The following SLAMF9 variants were observed in gnomAD, a reference collection of about 807,000 sequenced individuals.
SLAMF9 encodes SLAM family member 9, also known as CD2 family member 10.
In SLAMF9, 25 loss-of-function variants were observed where a neutral mutation model predicts 30.4. The ratio of observed to expected loss-of-function variants is 0.82; its 90% CI spans 0.60 to 1.15. The LOEUF (loss-of-function observed/expected upper bound fraction) is 1.15, where lower values mean the gene tolerates loss of function less well. Ranked by LOEUF, SLAMF9 falls within the 50% of genes most tolerant of loss-of-function variation. SLAMF9 has a pLI of 0.00. For synonymous variants in SLAMF9, 129 were observed against 127.2 expected (o/e 1.01, Z -0.09); for missense variants, 344 against 346.1 (o/e 0.99, Z 0.05).
upstream of SLAMF9, among the ~76,000 whole-genome samples, chr1:159,957,865 G>C (rs1242299600): frequency 5.0e-5 from 2 of 40,194 alleles, no homozygotes; most frequent in Non-Finnish European, 1.4e-4. Context: ...AGAGCTTAAA[G>C]GGTGAGAATA....
At chr1:159,973,081 C>T in the SLAMF9 span, 1 of 1,486,618 alleles carries the variant, frequency 6.7e-7, no homozygotes, top group Non-Finnish European at 9.0e-7. Flanking sequence ...AGCCCAGAGT[C>T]TCCCTCCTTG....
chr1:159,961,629 C>A, the SLAMF9 span, among the ~76,000 whole-genome samples: 1 of 152,000 alleles, frequency 6.6e-6, no homozygotes, highest in African/African-American at 2.4e-5. Flanking sequence ...TGAAGTGCAC[C>A]CAAAGGAGTC....
At position 159,952,269 on chromosome 1, in the gene SLAMF9, G is replaced by C. The variant is rs1651772086; in HGVS notation, c.657C>G (p.Phe219Leu). ...VSSCPIPDGP[F>L]YADPNYASEK... ...TCTCAGGGGTTCTGGTACCTGCATAGAAGGGCCCATCAGGGATGGGGCAAG... is the reference window on the plus strand; with the variant it reads ...TCTCAGGGGTTCTGGTACCTGCATACAAGGGCCCATCAGGGATGGGGCAAG... Residue 219 changes from phenylalanine (F) to leucine (L), a missense_variant, in exon 3 of 4, where the codon TTC becomes TTG. Phe to Leu is a conservative substitution (Grantham distance 22). Transcript: ENST00000368093. The C allele has an allele frequency of 1.2e-6, 2 of 1,613,594 alleles. No homozygotes were observed. The highest frequency in any genetic ancestry group is 2.7e-5 in the African/African-American group (2 of 74,774).
chr1:159,970,673 C>A, the SLAMF9 span, among the ~76,000 whole-genome samples: 3 of 152,264 alleles, frequency 2.0e-5, no homozygotes, highest in Non-Finnish European at 4.4e-5. Flanking sequence ...TTTTATCTTG[C>A]GACAGTGTGT....
At chr1:159,956,828 G>A (rs1651930861), upstream of SLAMF9, among the ~76,000 whole-genome samples, 1 of 152,060 alleles carries the variant, frequency 6.6e-6, no homozygotes, top group South Asian at 2.1e-4. Context: ...TGTATAAAAA[G>A]GTTAAACTAG....
At chr1:159,970,053 C>T in the SLAMF9 span, among the ~76,000 whole-genome samples, 2 of 152,092 alleles carry the variant, frequency 1.3e-5, no homozygotes, top group Non-Finnish European at 2.9e-5. Context: ...GAGCAAGACA[C>T]TTCTCAATAA....
At chr1:159,959,557 C>A in the SLAMF9 span, among the ~76,000 whole-genome samples, 1 of 152,084 alleles carries the variant, frequency 6.6e-6, no homozygotes, top group Non-Finnish European at 1.5e-5. Flanking sequence ...CTCATGGGAG[C>A]CCATTACCGG....
At chr1:159,962,317 G>A in the SLAMF9 span, among the ~76,000 whole-genome samples, 1 of 151,760 alleles carries the variant, frequency 6.6e-6, no homozygotes. Flanking sequence ...GGGGTATATA[G>A]ACCTACTGAG....
the SLAMF9 span, chr1:159,972,925 C>T: frequency 9.8e-7 from 1 of 1,021,252 alleles, no homozygotes; most frequent in Non-Finnish European, 1.3e-6. Flanking sequence ...CCCACAACTC[C>T]TCTCCTCCCA....
At chr1:159,983,616 G>C in the SLAMF9 span, 1 of 152,194 alleles carries the variant, frequency 6.6e-6, no homozygotes, top group African/African-American at 2.4e-5. Context: ...TGTTAGGAAG[G>C]AAACAACTTG....
chr1:159,975,663 G>A, the SLAMF9 span, among the ~76,000 whole-genome samples: 1 of 152,284 alleles, frequency 6.6e-6, no homozygotes, highest in African/African-American at 2.4e-5. Flanking sequence ...GTGAGAAAAA[G>A]ACTGAGCCTA....
At chr1:159,957,113 C>G (rs1651937620), upstream of SLAMF9, among the ~76,000 whole-genome samples, 1 of 92,814 alleles carries the variant, frequency 1.1e-5, no homozygotes, top group Admixed American at 1.8e-4. Flanking sequence ...CAGAGCGAGA[C>G]TCTGTCTCAA....
chr1:159,955,010 G>A (rs1252684097), upstream of SLAMF9, among the ~76,000 whole-genome samples: 1 of 151,608 alleles, frequency 6.6e-6, no homozygotes, highest in East Asian at 1.9e-4. Flanking sequence ...CCCAGGAGGT[G>A]GAGGTTGCAG....
rs1429926902 is a variant in SLAMF9 at position 159,953,945 on chromosome 1, C to A, written c.46+147G>T. The A allele has an allele frequency of 4.1e-6, 4 of 972,310 alleles. No individual in the cohort carries two copies. The African/African-American group carries it at 6.5e-5, about 16-fold the overall frequency. The allele number at this position is 972,310 out of a possible 1,614,324, so 60.2% of individuals were successfully genotyped here. On this transcript the variant is annotated intron_variant, in intron 1 of 3. Coordinates refer to ENST00000368093, the MANE Select transcript of SLAMF9 (RefSeq NM_033438.4). ...TCCCCAGGTGTCTCTCGGTCCTGCC[C>A]TGAAGCCACACACCCTACTCCTTGT...
chr1:159,967,704 A>G, the SLAMF9 span, among the ~76,000 whole-genome samples: 1 of 152,192 alleles, frequency 6.6e-6, no homozygotes. Flanking sequence ...TATGGACATT[A>G]TAACAGTATT....
chr1:159,962,198 G>C, the SLAMF9 span, among the ~76,000 whole-genome samples: 1 of 151,938 alleles, frequency 6.6e-6, no homozygotes, highest in South Asian at 2.1e-4. Flanking sequence ...GGGGAACAGA[G>C]GATGGGAGGC....
the SLAMF9 span, among the ~76,000 whole-genome samples, chr1:159,964,382 T>C: frequency 6.6e-6 from 1 of 152,298 alleles, no homozygotes; most frequent in Non-Finnish European, 1.5e-5. Flanking sequence ...CGGGAGCTTT[T>C]AATCTGTTCT....
chr1:159,955,528 G>A (rs932404786), upstream of SLAMF9, among the ~76,000 whole-genome samples: 1 of 152,210 alleles, frequency 6.6e-6, no homozygotes, highest in Non-Finnish European at 1.5e-5. Flanking sequence ...TTTTAGGTTA[G>A]CAAATTCAGA....
At chr1:159,973,060 C>T in the SLAMF9 span, 4 of 1,453,798 alleles carry the variant, frequency 2.8e-6, no homozygotes, top group African/African-American at 5.9e-5. Context: ...GGGGCCGCCT[C>T]ACACCAGTAA....
Sources: allele counts gnomAD v4.1 joint callset (sites outside exome capture counted in the v4.1 genomes callset), GRCh38; gene constraint gnomAD v4.1.1; transcripts MANE v1.5; gene names NCBI Gene and HGNC (gene_info 2026-07-23, HGNC 2026-07-21).